Variants in VPS35L observed in about 807,000 individuals in gnomAD.
VPS35L encodes the protein VPS35 endosomal protein sorting factor like.
Under a neutral mutation model 133.0 loss-of-function variants are expected in VPS35L, and 83 were observed. The observed-to-expected ratio is 0.62, with a 90% CI of 0.52 to 0.75. The LOEUF is 0.75. Among genes scored for constraint, VPS35L ranks in the 30% least tolerant of loss-of-function variants. The pLI is 0.00. For synonymous variants in VPS35L, 423 were observed against 449.9 expected, an observed-to-expected ratio of 0.94 and a Z score of 0.76; for missense variants, 1,083 against 1,206.8, an observed-to-expected ratio of 0.90 and a Z score of 1.52.
At chr16:19,611,318 A>G (rs1972713210) in intron 12 of VPS35L, among the ~76,000 whole-genome samples, 1 of 152,084 alleles carries the variant, frequency 6.6e-6, no homozygotes, top group Non-Finnish European at 1.5e-5. Context: ...GTCTCTCCAT[A>G]GTTTTCTTCA....
At position 19,700,710 on chromosome 16, in the gene VPS35L, G is replaced by C. The variant is rs374096915; in HGVS notation, c.*234G>C. 17 of 490,308 alleles carry C rather than the reference G, an allele frequency of 3.5e-5. No individual in the cohort carries two copies. The South Asian group carries it at 3.7e-4, about 11-fold the overall frequency. 30.4% of individuals were successfully genotyped at this position (490,308 alleles called of 1,614,324 possible). A position where few individuals can be genotyped will look rare whatever the true frequency, so the allele number is the denominator to read the frequency against. On this transcript the variant is annotated 3_prime_UTR_variant, in exon 31 of 31. Coordinates refer to ENST00000417362, the MANE Select transcript of VPS35L (RefSeq NM_020314.7). ...AAGAAGCAGTCTCTGTGTTGTCTTT[G>C]CACAAGTGGCCTTCGGTCTACTCAG... is the stretch of plus-strand genomic sequence containing the variant.
At chr16:19,651,923 A>G in intron 25 of VPS35L, 53 bp from the exon 26 acceptor site, 1 of 1,259,654 alleles carries the variant, frequency 7.9e-7, no homozygotes, top group Non-Finnish European at 1.1e-6. Context: ...AAACAGGAGT[A>G]TGATTCTGCC....
At chr16:19,587,094 GAA>G (rs3048233) in intron 7 of VPS35L, among the ~76,000 whole-genome samples, 6,839 of 147,366 alleles carry the variant, frequency 0.046, 307 homozygotes, top group East Asian at 0.21. Flanking sequence ...GCAGGAGAGA[GAA>G]AGAGAGAGAG....
intron 2 of VPS35L, among the ~76,000 whole-genome samples, chr16:19,565,910 A>G (rs991848478): frequency 1.3e-5 from 2 of 152,226 alleles, no homozygotes; most frequent in Non-Finnish European, 2.9e-5. Context: ...TTATTTAAAA[A>G]ATAAAAACAA....
chr16:19,651,877 TGTAA>T (rs1392015625), intron 25 of VPS35L, 95 bp from the exon 26 acceptor site: 1 of 878,652 alleles, frequency 1.1e-6, no homozygotes, highest in East Asian at 2.7e-5. Flanking sequence ...GATTCACTGT[TGTAA>T]GTTTCTTTCC....
intron 27 of VPS35L, among the ~76,000 whole-genome samples, chr16:19,677,404 A>G (rs1451276000): frequency 1.3e-5 from 2 of 152,182 alleles, no homozygotes; most frequent in Non-Finnish European, 2.9e-5. Context: ...TTAATGAACC[A>G]TAGAGACCTC....
rs749488963 is a variant in VPS35L, at chr16:19,700,473, C to A, written c.2889C>A (p.Thr963=). The A allele has an allele frequency of 2.5e-6, 4 of 1,613,680 alleles. No individual in the cohort carries two copies. In the Admixed American group the frequency reaches 5.0e-5, roughly 20 times the overall value. Residue 963 remains threonine (T), a synonymous_variant, in exon 31 of 31, where the codon ACC becomes ACA. Transcript: ENST00000417362. ...TCAGACTCCCTCTGCAAACAAGGAC[C>A]TGACCCCCGGGCCCATCCCCAGGCT... is the stretch of plus-strand genomic sequence containing the variant. The part of the protein sequence containing the change: ...LALRLPLQTR[T]
chr16:19,647,658 A>G (rs931691492), intron 23 of VPS35L, 126 bp from the exon 24 acceptor site: 2 of 751,326 alleles, frequency 2.7e-6, no homozygotes, highest in Admixed American at 2.2e-5. Flanking sequence ...TCGACTTCTT[A>G]GGTTCTAGTC....
intron 7 of VPS35L, among the ~76,000 whole-genome samples, chr16:19,589,276 C>T (rs1030336091): frequency 1.3e-5 from 2 of 152,136 alleles, no homozygotes; most frequent in Non-Finnish European, 2.9e-5. Context: ...CAGATTCTTG[C>T]TCTGTCTTCC....
rs934574170 is a variant in VPS35L, at chr16:19,591,049, C to T, written c.640-741C>T. On this transcript the variant is annotated intron_variant, in intron 7 of 30. Coordinates refer to ENST00000417362, the MANE Select transcript of VPS35L (RefSeq NM_020314.7). ...TGAGAATGTAGAATTCAGCAATTCC[C>T]CGCAAAGCTGAAATGTTTTCAGCAT... 4.6e-5 allele frequency among the ~76,000 whole-genome samples: 7 copies of T among 152,118 alleles called. No individual in the cohort carries two copies. The East Asian group carries it at 9.6e-4, about 21-fold the overall frequency.
chr16:19,641,033 C>A (rs1181080309), intron 21 of VPS35L, among the ~76,000 whole-genome samples: 1 of 152,036 alleles, frequency 6.6e-6, no homozygotes, highest in Non-Finnish European at 1.5e-5. Flanking sequence ...AGCCACCTCG[C>A]CTAGCTAGGG....
At chr16:19,630,614 G>A (rs767674378) in intron 18 of VPS35L, among the ~76,000 whole-genome samples, 4 of 152,050 alleles carry the variant, frequency 2.6e-5, no homozygotes, top group South Asian at 4.2e-4. Context: ...GATTACAGGC[G>A]TGAGCCACCG....
rs577746623 is a variant in VPS35L at position 19,574,413 on chromosome 16, C to G, written c.409-685C>G. On this transcript the variant is annotated intron_variant, in intron 4 of 30. Coordinates refer to ENST00000417362, the MANE Select transcript of VPS35L (RefSeq NM_020314.7). The stretch of plus-strand genomic sequence containing the variant: ...TGTGATCATGGGCCACGCATAGATG[C>G]AGGGAGGCTGAGAAATGTAGCAGCG... Among the ~76,000 whole-genome samples, 7 of 152,238 alleles carry G rather than the reference C, an allele frequency of 4.6e-5. No individual in the cohort carries two copies. In the South Asian group the frequency reaches 6.2e-4, roughly 14 times the overall value.
chr16:19,591,887 C>G lies in VPS35L; in HGVS notation c.724+13C>G. ...CTTGATACATTTGGTAAGTACCTGT[C>G]ATATGCATCTTAGATCTAGGAAATG... On this transcript the variant is annotated intron_variant, in intron 8 of 30. Coordinates refer to ENST00000417362, the MANE Select transcript of VPS35L (RefSeq NM_020314.7). The G allele has an allele frequency of 6.4e-7, 1 of 1,558,734 alleles. No homozygotes were observed. Among genetic ancestry groups the G allele is most frequent in the East Asian group, 2.2e-5 (1 of 44,546 alleles).
At chr16:19,602,613 A>AT (rs1972420454) in intron 9 of VPS35L, among the ~76,000 whole-genome samples, 2 of 148,104 alleles carry the variant, frequency 1.4e-5, no homozygotes, top group South Asian at 4.3e-4. Context: ...TCTTTATTTA[A>AT]TTTTTTTGAG....
At chr16:19,640,730 G>A (rs1290310867) in intron 21 of VPS35L, among the ~76,000 whole-genome samples, 2 of 152,176 alleles carry the variant, frequency 1.3e-5, no homozygotes, top group Non-Finnish European at 2.9e-5. Flanking sequence ...TTTTAAGGTG[G>A]TGCATGGAAA....
intron 19 of VPS35L, among the ~76,000 whole-genome samples, chr16:19,636,455 A>C (rs1973626244): frequency 6.6e-6 from 1 of 152,204 alleles, no homozygotes. Context: ...TGTTAACAAA[A>C]AATTTCTTGT....
At chr16:19,588,421 A>T (rs1311393882) in intron 7 of VPS35L, among the ~76,000 whole-genome samples, 1 of 151,446 alleles carries the variant, frequency 6.6e-6, no homozygotes, top group East Asian at 2.0e-4. Context: ...CAAACTCCTG[A>T]CCTCAGGTGA....
intron 8 of VPS35L, 109 bp from the exon 9 acceptor site, chr16:19,601,555 T>A (rs1972383994): frequency 9.0e-7 from 1 of 1,104,994 alleles, no homozygotes; most frequent in African/African-American, 1.6e-5. Context: ...CATCACAAGT[T>A]AAAGCCTGTC....
Sources: gnomAD v4.1 joint callset for allele counts (sites outside exome capture counted in the v4.1 genomes callset) on GRCh38, gnomAD v4.1.1 for gene constraint, MANE v1.5 for transcripts, NCBI Gene and HGNC (gene_info 2026-07-23, HGNC 2026-07-21) for gene names.